Variants in SHISA9 observed in about 807,000 individuals in gnomAD.
SHISA9 encodes shisa family member 9, also known as protein shisa-9.
In SHISA9, 13 loss-of-function variants were observed where a neutral mutation model predicts 38.0. That is an observed-to-expected ratio of 0.34 (90% CI 0.22 to 0.54). The LOEUF is 0.54. SHISA9 is among the 20% of genes least tolerant of loss of function. SHISA9 has a pLI of 0.91. For synonymous variants in SHISA9, 275 were observed against 242.0 expected (o/e 1.14, Z -1.27); for missense variants, 538 against 575.8 (o/e 0.93, Z 0.67).
intron 2 of SHISA9, among the ~76,000 whole-genome samples, chr16:12,940,465 C>T (rs1286075731): frequency 6.7e-6 from 1 of 149,364 alleles, no homozygotes; most frequent in Non-Finnish European, 1.5e-5. Context: ...TCACTATGTG[C>T]CTGCCTTATC....
the SHISA9 span, among the ~76,000 whole-genome samples, chr16:13,414,708 G>T: frequency 6.8e-6 from 1 of 147,710 alleles, no homozygotes; most frequent in Non-Finnish European, 1.5e-5. Context: ...GCAGTGGCGC[G>T]ATCTTGGGTC....
At chr16:13,312,103 C>G in the SHISA9 span, among the ~76,000 whole-genome samples, 43 of 152,120 alleles carry the variant, frequency 2.8e-4, no homozygotes, top group Non-Finnish European at 5.7e-4. Flanking sequence ...AATATTTTAG[C>G]CCAGAAGTCT....
chr16:13,425,958 C>T, the SHISA9 span, among the ~76,000 whole-genome samples: 2 of 152,170 alleles, frequency 1.3e-5, no homozygotes, highest in Non-Finnish European at 1.5e-5. Flanking sequence ...AGGTCAAGTA[C>T]TTGTGCTTTG....
chr16:13,403,704 G>T, the SHISA9 span, among the ~76,000 whole-genome samples: 4 of 152,202 alleles, frequency 2.6e-5, no homozygotes, highest in African/African-American at 9.6e-5. Context: ...TTCTGAGTAG[G>T]TTGTGTAAGG....
chr16:13,205,773 C>CT (rs2051057817), intron 3 of SHISA9, among the ~76,000 whole-genome samples: 1 of 151,744 alleles, frequency 6.6e-6, no homozygotes, highest in Non-Finnish European at 1.5e-5. Flanking sequence ...CTTCTTTTTT[C>CT]TTTTTTGAGA....
intron 2 of SHISA9, among the ~76,000 whole-genome samples, chr16:12,989,578 C>G (rs1555452631): frequency 6.6e-6 from 1 of 152,032 alleles, no homozygotes; most frequent in Non-Finnish European, 1.5e-5. Flanking sequence ...AGGTTTGGGA[C>G]TGAGCCACCA....
At chr16:13,133,347 T>C (rs573291449) in intron 2 of SHISA9, among the ~76,000 whole-genome samples, 191 of 152,330 alleles carry the variant, frequency 1.3e-3, no homozygotes, top group African/African-American at 4.2e-3. Context: ...TCACAAGGAA[T>C]GTCCATAATT....
intron 2 of SHISA9, among the ~76,000 whole-genome samples, chr16:13,055,070 C>T (rs2073294869): frequency 6.6e-6 from 1 of 152,046 alleles, no homozygotes; most frequent in Admixed American, 6.6e-5. Context: ...ATTAATAGGC[C>T]TTCTCCTAAT....
intron 2 of SHISA9, among the ~76,000 whole-genome samples, chr16:12,992,145 T>A (rs2072394893): frequency 6.6e-6 from 1 of 152,168 alleles, no homozygotes; most frequent in Non-Finnish European, 1.5e-5. Flanking sequence ...AATTTGATGA[T>A]AAGTTTAACG....
the SHISA9 span, among the ~76,000 whole-genome samples, chr16:13,378,275 A>G: frequency 2.0e-4 from 30 of 152,306 alleles, no homozygotes; most frequent in African/African-American, 7.2e-4. Context: ...ACATAATGTC[A>G]TACAAACTTG....
chr16:12,946,116 G>A (rs990218231), intron 2 of SHISA9, among the ~76,000 whole-genome samples: 10 of 152,282 alleles, frequency 6.6e-5, no homozygotes, highest in African/African-American at 2.4e-4. Flanking sequence ...CCCATTGATT[G>A]TTTTTGTCAG....
the SHISA9 span, among the ~76,000 whole-genome samples, chr16:13,389,702 AATG>A: frequency 6.6e-6 from 1 of 152,178 alleles, no homozygotes; most frequent in Non-Finnish European, 1.5e-5. Flanking sequence ...CTAGGCTCAC[AATG>A]ATGTACTCCA....
the SHISA9 span, among the ~76,000 whole-genome samples, chr16:13,279,417 A>T: frequency 6.6e-6 from 1 of 151,932 alleles, no homozygotes; most frequent in Admixed American, 6.6e-5. Context: ...ATTTGTTCCA[A>T]GGTATAGTTT....
intron 1 of SHISA9, chr16:12,911,741 A>T (rs943616635): frequency 5.3e-5 from 8 of 152,138 alleles, no homozygotes; most frequent in African/African-American, 1.9e-4. Flanking sequence ...TTTTGAAGAG[A>T]AGGGAGGGGA....
chr16:12,991,188 C>T (rs987676074), intron 2 of SHISA9, among the ~76,000 whole-genome samples: 1 of 151,912 alleles, frequency 6.6e-6, no homozygotes, highest in Non-Finnish European at 1.5e-5. Flanking sequence ...TAGTTCATGC[C>T]CCTCACCCAT....
At chr16:13,346,253 C>T in the SHISA9 span, among the ~76,000 whole-genome samples, 4 of 152,246 alleles carry the variant, frequency 2.6e-5, no homozygotes, top group Middle Eastern at 3.4e-3. Flanking sequence ...CTGAAGATAA[C>T]GGCCTTCAGT....
the SHISA9 span, among the ~76,000 whole-genome samples, chr16:13,518,056 T>C: frequency 6.6e-6 from 1 of 152,132 alleles, no homozygotes; most frequent in Non-Finnish European, 1.5e-5. Context: ...CGCTCTGTGC[T>C]CTCCCAGCCC....
At chr16:13,124,905 T>G (rs2050243223) in intron 2 of SHISA9, among the ~76,000 whole-genome samples, 1 of 152,188 alleles carries the variant, frequency 6.6e-6, no homozygotes, top group Non-Finnish European at 1.5e-5. Context: ...CTGGGAAAAC[T>G]GGATATCCAT....
At chr16:13,494,267 T>C in the SHISA9 span, among the ~76,000 whole-genome samples, 1 of 152,248 alleles carries the variant, frequency 6.6e-6, no homozygotes, top group African/African-American at 2.4e-5. Flanking sequence ...GCTTCAGAAG[T>C]CTGTCCAACA....
Sources: allele counts gnomAD v4.1 joint callset (sites outside exome capture counted in the v4.1 genomes callset), GRCh38; gene constraint gnomAD v4.1.1; transcripts MANE v1.5; gene names NCBI Gene and HGNC (gene_info 2026-07-23, HGNC 2026-07-21).